PRPF4: variants seen among roughly 807,000 people sequenced by gnomAD.
PRPF4 encodes U4/U6 small nuclear ribonucleoprotein Prp4.
PRPF4 carries 14 observed loss-of-function variants against 72.2 expected under a neutral mutation model. The ratio of observed to expected loss-of-function variants is 0.19; its 90% confidence interval spans 0.13 to 0.30. The LOEUF (loss-of-function observed/expected upper bound fraction) is 0.30. Among genes scored for constraint, PRPF4 ranks in the 10% least tolerant of loss-of-function variants. The pLI is 1.00. For missense variants in PRPF4, 478 were observed against 653.9 expected (o/e 0.73, Z 2.93); for synonymous variants, 225 against 232.2 (o/e 0.97, Z 0.28).
intron 5 of PRPF4, 55 bp from the exon 6 acceptor site, chr9:113,283,334 G>C: frequency 6.2e-7 from 1 of 1,613,280 alleles, no homozygotes; most frequent in Non-Finnish European, 8.5e-7. Flanking sequence ...AGGGATACAT[G>C]TGGGTCCTTG....
chr9:113,285,343 A>ATTTTTTTTTTTTTTTTTT (rs71367713), intron 7 of PRPF4, among the ~76,000 whole-genome samples: 4 of 67,508 alleles, frequency 5.9e-5, no homozygotes, highest in Non-Finnish European at 8.8e-5. Context: ...GTCTCTACAA[A>ATTTTTTTTTTTTTTTTTT]TTTTTTTTTT....
chr9:113,281,777 CT>C (rs967177064), intron 3 of PRPF4, among the ~76,000 whole-genome samples: 3 of 152,080 alleles, frequency 2.0e-5, no homozygotes, highest in African/African-American at 4.8e-5. Context: ...TACATATTAC[CT>C]TTTTTTAATG....
chr9:113,277,130 C>T (rs890376588), intron 2 of PRPF4, among the ~76,000 whole-genome samples: 2 of 151,948 alleles, frequency 1.3e-5, no homozygotes, highest in Admixed American at 6.6e-5. Flanking sequence ...AATTCTTAAA[C>T]TTGCAGCTAT....
chr9:113,282,808 A>G (rs17763934), intron 4 of PRPF4, 75 bp downstream of exon 4: 243,222 of 1,271,930 alleles, frequency 0.19, 25,579 homozygotes, highest in Non-Finnish European at 0.21. Context: ...TCTGCTTTCA[A>G]TGGTTTGTTT....
At chr9:113,277,649 G>T (rs1355181523) in intron 2 of PRPF4, among the ~76,000 whole-genome samples, 2 of 151,688 alleles carry the variant, frequency 1.3e-5, no homozygotes, top group East Asian at 4.0e-4. Flanking sequence ...GCCTCCCAAA[G>T]TGCTGGGATT....
chr9:113,290,405 T>C (rs183348639), intron 10 of PRPF4, 61 bp from the exon 11 acceptor site: 11 of 1,608,734 alleles, frequency 6.8e-6, no homozygotes, highest in Admixed American at 6.7e-5. Context: ...TAGAATACTT[T>C]ATGTGTTGTA....
intron 8 of PRPF4, 85 bp downstream of exon 8, chr9:113,286,375 C>A: frequency 8.1e-7 from 1 of 1,230,212 alleles, no homozygotes; most frequent in Non-Finnish European, 1.2e-6. Context: ...ACTCAGACCC[C>A]ATACACACAG....
intron 8 of PRPF4, 64 bp downstream of exon 8, chr9:113,286,354 C>T (rs1832449345): frequency 3.6e-6 from 5 of 1,405,236 alleles, no homozygotes. Context: ...AAGCCTTAAA[C>T]TCTGCTTGAC....
At chr9:113,283,250 T>G (rs368649891) in intron 5 of PRPF4, 39 bp downstream of exon 5, 180 of 1,613,968 alleles carry the variant, frequency 1.1e-4, no homozygotes, top group Non-Finnish European at 1.4e-4. Flanking sequence ...AGCATATTTT[T>G]TGTGTGTGTT....
At chr9:113,275,960 C>T (rs1832079766) in intron 1 of PRPF4, among the ~76,000 whole-genome samples, 190 bp downstream of exon 1, 1 of 152,206 alleles carries the variant, frequency 6.6e-6, no homozygotes, top group Non-Finnish European at 1.5e-5. Context: ...TGGACTGTAG[C>T]TTATTTGCAC....
Position 113,292,426 on chromosome 9 carries a change from T to C in PRPF4, c.*766T>C, listed in dbSNP as rs774660042. On this transcript the variant is annotated 3_prime_UTR_variant, in exon 14 of 14. Coordinates refer to ENST00000374198, the MANE Select transcript of PRPF4 (RefSeq NM_001244926.2). Reference sequence around the variant, plus strand: ...ATCTCACCACTCATTGGTTAAACAATGCATCATAGCGAGCACTTTTCCTTT... The same window carrying C: ...ATCTCACCACTCATTGGTTAAACAACGCATCATAGCGAGCACTTTTCCTTT... The C allele has an allele frequency of 4.6e-5, 7 of 152,152 alleles. No individual in the cohort carries two copies. Among genetic ancestry groups the C allele is most frequent in the Non-Finnish European group, 7.3e-5 (5 of 68,054 alleles). 9.4% of individuals were successfully genotyped at this position (152,152 alleles called of 1,614,324 possible).
chr9:113,275,919 C>A, intron 1 of PRPF4, 149 bp downstream of exon 1: 1 of 1,047,880 alleles, frequency 9.5e-7, no homozygotes, highest in Non-Finnish European at 1.3e-6. Context: ...ACACAGCGGA[C>A]CACCGTTTTC....
chr9:113,278,274 T>C (rs529618911), intron 2 of PRPF4, among the ~76,000 whole-genome samples: 1 of 152,262 alleles, frequency 6.6e-6, no homozygotes, highest in Non-Finnish European at 1.5e-5. Flanking sequence ...CCAAAGGGCA[T>C]AAAATGAAGA....
intron 1 of PRPF4, among the ~76,000 whole-genome samples, chr9:113,276,083 T>C (rs1832085581): frequency 1.3e-5 from 2 of 152,234 alleles, no homozygotes. Context: ...GATCTCAGAA[T>C]TTTAATGAGA....
Position 113,291,663 on chromosome 9 carries a change from G to T in PRPF4, c.*3G>T. The T allele has an allele frequency of 1.9e-6, 3 of 1,613,586 alleles. No homozygotes were observed. The South Asian group carries it at 3.3e-5, about 18-fold the overall frequency. On this transcript the variant is annotated 3_prime_UTR_variant, in exon 14 of 14. Coordinates refer to ENST00000374198, the MANE Select transcript of PRPF4 (RefSeq NM_001244926.2). ...TCAAGCTGTGGATGGCTGAATAGATGACAATGGGAAAAGGACTTGAACCTC... is the reference window on the plus strand; with the variant it reads ...TCAAGCTGTGGATGGCTGAATAGATTACAATGGGAAAAGGACTTGAACCTC...
At chr9:113,288,542 T>C (rs1409805065) in intron 10 of PRPF4, among the ~76,000 whole-genome samples, 1 of 151,646 alleles carries the variant, frequency 6.6e-6, no homozygotes, top group Non-Finnish European at 1.5e-5. Context: ...GTTCAAGCAA[T>C]TCTCCTGCCT....
chr9:113,283,284 A>G, intron 5 of PRPF4, 73 bp downstream of exon 5: 1 of 1,613,684 alleles, frequency 6.2e-7, no homozygotes, highest in South Asian at 1.1e-5. Context: ...TGAGTGCTGG[A>G]TAATGACTAT....
In PRPF4 at chr9:113,290,555, C is replaced by T; in HGVS notation, c.1112C>T (p.Ala371Val). The change falls in exon 11 of 14, where the codon GCC (alanine) becomes GTC (valine). Residue 371 changes from alanine to valine, a missense_variant. Transcript: ENST00000374198. ...CATAGCATGGGTGTGTATGACATTG[C>T]CTTCCATCAAGATGGCTCTTTGGCT... ...EGHSMGVYDIAFHQDGSLAGT... is the reference protein window; with the variant it reads ...EGHSMGVYDIVFHQDGSLAGT... 1 of 1,614,150 alleles carries T rather than the reference C, an allele frequency of 6.2e-7. No homozygotes were observed. Among genetic ancestry groups the T allele is most frequent in the Non-Finnish European group, 8.5e-7 (1 of 1,180,026 alleles).
intron 3 of PRPF4, among the ~76,000 whole-genome samples, chr9:113,281,952 C>T (rs12686308): frequency 6.6e-6 from 1 of 152,146 alleles, no homozygotes; most frequent in Non-Finnish European, 1.5e-5. Context: ...GAACTGATTC[C>T]TAGTCATCAC....
Sources: gnomAD v4.1 joint callset for allele counts (sites outside exome capture counted in the v4.1 genomes callset) on GRCh38, gnomAD v4.1.1 for gene constraint, MANE v1.5 for transcripts, NCBI Gene and HGNC (gene_info 2026-07-23, HGNC 2026-07-21) for gene names.